Variants in ZFPM2 observed in about 807,000 individuals in gnomAD.
ZFPM2 encodes zinc finger protein ZFPM2.
In ZFPM2, 20 loss-of-function variants were observed where a neutral mutation model predicts 98.6. The observed-to-expected ratio is 0.20, with a 90% CI of 0.14 to 0.29. The LOEUF is 0.29. ZFPM2 is among the 10% of genes least tolerant of loss of function. The pLI, the probability that ZFPM2 is intolerant of heterozygous loss-of-function variation, is 1.00. For missense variants in ZFPM2, 1,310 were observed against 1,388.6 expected, an observed-to-expected ratio of 0.94 and a Z score of 0.90; for synonymous variants, 518 against 502.7, an observed-to-expected ratio of 1.03 and a Z score of -0.41.
intron 2 of ZFPM2, among the ~76,000 whole-genome samples, chr8:105,420,991 G>A (rs536953358): frequency 6.6e-6 from 1 of 151,836 alleles, no homozygotes; most frequent in Admixed American, 6.6e-5. Flanking sequence ...AAAGAGTAAG[G>A]GTTCTTTACT....
chr8:105,628,982 CA>C (rs1459874528), intron 4 of ZFPM2, among the ~76,000 whole-genome samples: 1 of 152,212 alleles, frequency 6.6e-6, no homozygotes, highest in African/African-American at 2.4e-5. Flanking sequence ...AGCACTGTAA[CA>C]AGCCCTCTTG....
chr8:105,587,928 C>T (rs1815758186), intron 4 of ZFPM2, among the ~76,000 whole-genome samples: 1 of 151,868 alleles, frequency 6.6e-6, no homozygotes, highest in Non-Finnish European at 1.5e-5. Flanking sequence ...CAAAATTGCC[C>T]CTAGCTGAGA....
intron 3 of ZFPM2, among the ~76,000 whole-genome samples, chr8:105,534,856 C>T (rs1208676893): frequency 6.6e-6 from 1 of 152,074 alleles, no homozygotes; most frequent in African/African-American, 2.4e-5. Context: ...AAAATGATTG[C>T]TTTGGCTGTG....
chr8:105,796,546 A>T (rs1468057924), intron 6 of ZFPM2, among the ~76,000 whole-genome samples: 5 of 152,096 alleles, frequency 3.3e-5, no homozygotes, highest in Non-Finnish European at 2.9e-5. Flanking sequence ...TTGAAACTCT[A>T]TTATTATACT....
intron 5 of ZFPM2, among the ~76,000 whole-genome samples, chr8:105,717,037 A>G (rs1811542013): frequency 6.6e-6 from 1 of 152,026 alleles, no homozygotes; most frequent in Non-Finnish European, 1.5e-5. Flanking sequence ...AAGTGCTGAT[A>G]CATTTAAAAG....
In ZFPM2 at chr8:105,480,985, C is replaced by T. The variant is rs749855916; in HGVS notation, c.301+36604C>T. Among the ~76,000 whole-genome samples the T allele has an allele frequency of 2.9e-4, 44 of 152,200 alleles. 1 individual carries two copies. The highest frequency in any genetic ancestry group is 8.7e-4 in the African/African-American group (36 of 41,536). ...CAAGATGGTCTCGAACTCCTGACCA[C>T]GTGATCCACCCACCTTGGCCTCCCA... On this transcript the variant is annotated intron_variant, in intron 3 of 7. Transcript: ENST00000407775.
intron 1 of ZFPM2, among the ~76,000 whole-genome samples, chr8:105,350,341 G>A (rs1363885181): frequency 6.6e-6 from 1 of 152,160 alleles, no homozygotes; most frequent in Non-Finnish European, 1.5e-5. Context: ...AAGGAACATG[G>A]CAATCTACTC....
chr8:105,377,848 TA>T (rs1435428802), intron 1 of ZFPM2, among the ~76,000 whole-genome samples: 3 of 152,100 alleles, frequency 2.0e-5, no homozygotes, highest in Non-Finnish European at 4.4e-5. Flanking sequence ...AGAAATTTTT[TA>T]GGTGCACTTC....
At chr8:105,603,974 T>G (rs1816145514) in intron 4 of ZFPM2, among the ~76,000 whole-genome samples, 1 of 152,014 alleles carries the variant, frequency 6.6e-6, no homozygotes. Context: ...TTTCTTTAGA[T>G]GGTCTCATAC....
At chr8:105,599,391 T>TA (rs71577982) in intron 4 of ZFPM2, among the ~76,000 whole-genome samples, 7,134 of 137,326 alleles carry the variant, frequency 0.052, 471 homozygotes, top group African/African-American at 0.16. Flanking sequence ...TTTTCGTCTT[T>TA]AAAAAAAAAA....
chr8:105,712,341 T>G (rs1366490333), intron 5 of ZFPM2, among the ~76,000 whole-genome samples: 4 of 152,086 alleles, frequency 2.6e-5, no homozygotes, highest in African/African-American at 9.6e-5. Context: ...ATAATTTAGA[T>G]TTTGAAAGAC....
intron 2 of ZFPM2, among the ~76,000 whole-genome samples, chr8:105,431,926 A>AAAAAAAAAAAAAG (rs1812028549): frequency 6.6e-6 from 1 of 151,826 alleles, no homozygotes; most frequent in Non-Finnish European, 1.5e-5. Flanking sequence ...TGTCTCAAAA[A>AAAAAAAAAAAAAG]AAAGAAAAAG....
chr8:105,379,760 A>G (rs1386229278), intron 1 of ZFPM2, among the ~76,000 whole-genome samples: 1 of 152,098 alleles, frequency 6.6e-6, no homozygotes, highest in Non-Finnish European at 1.5e-5. Flanking sequence ...TCTCAAAAAA[A>G]AAAAAAAAAA....
Position 105,803,617 on chromosome 8 carries a change from T to C in ZFPM2, c.*79T>C, listed in dbSNP as rs1055779670. ...CAGTCCAGAAAAAAAAATAAGCTGT[T>C]TGAATTACATCTGGGCAATCAGGAG... On this transcript the variant is annotated 3_prime_UTR_variant, in exon 8 of 8. Transcript: ENST00000407775. 1.5e-5 allele frequency: 21 copies of C among 1,392,150 alleles called. No individual in the cohort carries two copies. The Admixed American group carries it at 1.8e-4, about 12-fold the overall frequency. 86.2% of individuals were successfully genotyped at this position (1,392,150 alleles called of 1,614,324 possible). A position where few individuals can be genotyped will look rare whatever the true frequency, so the allele number is the denominator to read the frequency against.
chr8:105,708,825 C>T (rs1267895856), intron 5 of ZFPM2, among the ~76,000 whole-genome samples: 1 of 152,060 alleles, frequency 6.6e-6, no homozygotes, highest in Non-Finnish European at 1.5e-5. Flanking sequence ...TGGCAAAAAC[C>T]CATTATTTTG....
At position 105,786,437 on chromosome 8, in the gene ZFPM2, A is replaced by G. The variant is rs369720597; in HGVS notation, c.533-2281A>G. Among the ~76,000 whole-genome samples the G allele has an allele frequency of 2.2e-3, 341 of 152,334 alleles. 1 individual carries two copies. The highest frequency in any genetic ancestry group is 7.8e-3 in the African/African-American group (326 of 41,574). On this transcript the variant is annotated intron_variant, in intron 5 of 7. Coordinates refer to ENST00000407775, the MANE Select transcript of ZFPM2 (RefSeq NM_012082.4). ...AGCCTAGCATGCAGCAGAGATTTCA[A>G]TGAATAGCCAATTAACGAATGATTT...
At chr8:105,525,779 T>C (rs998522302) in intron 3 of ZFPM2, among the ~76,000 whole-genome samples, 2 of 152,184 alleles carry the variant, frequency 1.3e-5, no homozygotes, top group Non-Finnish European at 2.9e-5. Context: ...ACCAGTGTGG[T>C]GATGTCCCCA....
At chr8:105,767,292 G>A (rs1177166579) in intron 5 of ZFPM2, among the ~76,000 whole-genome samples, 2 of 151,886 alleles carry the variant, frequency 1.3e-5, no homozygotes, top group African/African-American at 2.4e-5. Flanking sequence ...TCATTTCATT[G>A]TTGTAAACTA....
chr8:105,716,179 G>A (rs2130986982), intron 5 of ZFPM2, among the ~76,000 whole-genome samples: 1 of 149,414 alleles, frequency 6.7e-6, no homozygotes, highest in Non-Finnish European at 1.5e-5. Flanking sequence ...ATATAAATAT[G>A]TAAATAAAAT....
Sources: allele counts gnomAD v4.1 joint callset (sites outside exome capture counted in the v4.1 genomes callset), GRCh38; gene constraint gnomAD v4.1.1; transcripts MANE v1.5; gene names NCBI Gene and HGNC (gene_info 2026-07-23, HGNC 2026-07-21).